FRMPD2: variants seen among roughly 807,000 people sequenced by gnomAD.
The protein encoded by FRMPD2 is FERM and PDZ domain-containing protein 2.
In FRMPD2, 96 loss-of-function variants were observed where a neutral mutation model predicts 140.1. The observed-to-expected ratio is 0.69, with a 90% CI of 0.58 to 0.81. FRMPD2 has a LOEUF of 0.81. FRMPD2 is among the 40% of genes least tolerant of loss of function. The probability of loss-of-function intolerance (pLI) is 0.00; values close to 1 mark genes in which losing one functional copy is unlikely to be tolerated. For synonymous variants in FRMPD2, 449 were observed against 547.6 expected, an observed-to-expected ratio of 0.82 and a Z score of 2.52; for missense variants, 1,240 against 1,447.4, an observed-to-expected ratio of 0.86 and a Z score of 2.32.
In FRMPD2 at chr10:48,239,610, A is replaced by T. The variant is rs1840053807; in HGVS notation, c.783T>A (p.Val261=). ...TLTHSHCSLL[V]NRALPGADPQ... ...CTTTAGGCCTTGCTGCTTACCGGTT[A>T]ACAAGGAGGCTGCAGTGACTGTGTG... Residue 261 remains valine, a synonymous_variant, in exon 7 of 29, where the codon GTT becomes GTA. Coordinates refer to ENST00000374201, the MANE Select transcript of FRMPD2 (RefSeq NM_001018071.4). 2 of 1,613,620 alleles carry T rather than the reference A, an allele frequency of 1.2e-6. No homozygotes were observed. Among genetic ancestry groups the T allele is most frequent in the Non-Finnish European group, 1.7e-6 (2 of 1,179,536 alleles).
At position 48,197,137 on chromosome 10, in the gene FRMPD2, T is replaced by C. The variant is rs188540712; in HGVS notation, c.1954+4091A>G. Among the ~76,000 whole-genome samples, 352 of 152,338 alleles carry C rather than the reference T, an allele frequency of 2.3e-3. 1 individual carries two copies. The highest frequency in any genetic ancestry group is 8.2e-3 in the African/African-American group (341 of 41,574). On this transcript the variant is annotated intron_variant, in intron 15 of 28. Transcript: ENST00000374201. ...CAAATAATAAAATAAGCTACCATTA[T>C]TTTCTGCATTTGGTTCTGCATCTGA... is the stretch of plus-strand genomic sequence containing the variant.
intron 15 of FRMPD2, among the ~76,000 whole-genome samples, chr10:48,195,129 G>A (rs1838921755): frequency 6.6e-6 from 1 of 152,192 alleles, no homozygotes; most frequent in African/African-American, 2.4e-5. Flanking sequence ...AGACACCCAG[G>A]ACAAGATTCT....
At chr10:48,251,428 C>T in intron 2 of FRMPD2, 138 bp downstream of exon 2, 2 of 1,048,094 alleles carry the variant, frequency 1.9e-6, no homozygotes, top group East Asian at 2.5e-5. Flanking sequence ...TCAGAGTAAT[C>T]ACAGATCAAG....
intron 10 of FRMPD2, among the ~76,000 whole-genome samples, chr10:48,227,570 T>A (rs992783656): frequency 2.6e-5 from 4 of 152,224 alleles, no homozygotes; most frequent in Non-Finnish European, 5.9e-5. Flanking sequence ...TACTGCATTT[T>A]TCACGCTCTT....
In FRMPD2 at chr10:48,245,133, T is replaced by C. The variant is rs149837147; in HGVS notation, c.310-284A>G. Among the ~76,000 whole-genome samples the C allele has an allele frequency of 6.6e-4, 100 of 152,348 alleles. 1 individual carries two copies. In the East Asian group the frequency reaches 0.017, roughly 26 times the overall value. ...TTTGCTTTACTGACAAAAGGACACA[T>C]GTGACTGGCCCCACACTTTCCCCTT... On this transcript the variant is annotated intron_variant, in intron 3 of 28. Coordinates refer to ENST00000374201, the MANE Select transcript of FRMPD2 (RefSeq NM_001018071.4).
intron 17 of FRMPD2, 144 bp downstream of exon 17, chr10:48,187,048 T>C (rs1010660366): frequency 1.2e-5 from 7 of 603,076 alleles, no homozygotes; most frequent in Non-Finnish European, 2.1e-5. Context: ...CAATCACAAG[T>C]AGTTTAAAAA....
intron 14 of FRMPD2, among the ~76,000 whole-genome samples, chr10:48,205,980 AG>A (rs1395221076): frequency 1.3e-5 from 2 of 152,214 alleles, no homozygotes; most frequent in African/African-American, 2.4e-5. Context: ...AAAATTAAAT[AG>A]GAAAAAAACA....
At chr10:48,202,050 A>C (rs972233255) in intron 14 of FRMPD2, among the ~76,000 whole-genome samples, 1 of 152,160 alleles carries the variant, frequency 6.6e-6, no homozygotes, top group Non-Finnish European at 1.5e-5. Context: ...ATATTTGTCC[A>C]GCTCACTGGG....
intron 10 of FRMPD2, among the ~76,000 whole-genome samples, chr10:48,230,853 T>C (rs553034048): frequency 3.9e-5 from 6 of 152,138 alleles, no homozygotes; most frequent in Admixed American, 6.5e-5. Flanking sequence ...CAATGTAAAA[T>C]TCTAGGAACA....
At chr10:48,182,789 T>A (rs1389672636) in intron 20 of FRMPD2, among the ~76,000 whole-genome samples, 1 of 152,240 alleles carries the variant, frequency 6.6e-6, no homozygotes, top group Non-Finnish European at 1.5e-5. Context: ...CAGGCCATCC[T>A]TGGACTATGC....
chr10:48,209,892 A>G (rs1164189870), intron 13 of FRMPD2, among the ~76,000 whole-genome samples: 1 of 152,238 alleles, frequency 6.6e-6, no homozygotes, highest in Admixed American at 6.5e-5. Flanking sequence ...ATTGAGAGAA[A>G]AAATTAGAGT....
At chr10:48,259,115 G>T (rs574685002) in intron 1 of FRMPD2, among the ~76,000 whole-genome samples, 1 of 152,276 alleles carries the variant, frequency 6.6e-6, no homozygotes, top group East Asian at 1.9e-4. Context: ...CCTTCTCTAA[G>T]GCTTCAGGGC....
At chr10:48,236,761 T>G (rs1839976214) in intron 8 of FRMPD2, among the ~76,000 whole-genome samples, 1 of 152,218 alleles carries the variant, frequency 6.6e-6, no homozygotes, top group African/African-American at 2.4e-5. Flanking sequence ...GTATAGGGTA[T>G]CAGCAACATT....
intron 15 of FRMPD2, 110 bp downstream of exon 15, chr10:48,201,118 A>T: frequency 2.8e-6 from 2 of 720,192 alleles, no homozygotes; most frequent in Non-Finnish European, 4.1e-6. Flanking sequence ...TATTAGAGAG[A>T]TTTACAACTC....
chr10:48,182,045 T>C (rs986745151), intron 20 of FRMPD2, among the ~76,000 whole-genome samples: 1 of 151,970 alleles, frequency 6.6e-6, no homozygotes, highest in Non-Finnish European at 1.5e-5. Context: ...TGGATACAAG[T>C]AGATTTACTA....
At chr10:48,198,343 C>T (rs1405617394) in intron 15 of FRMPD2, among the ~76,000 whole-genome samples, 1 of 152,150 alleles carries the variant, frequency 6.6e-6, no homozygotes, top group Non-Finnish European at 1.5e-5. Flanking sequence ...TATAACTATG[C>T]TATTCAATAC....
At chr10:48,266,325 T>C (rs1260276480) in intron 1 of FRMPD2, among the ~76,000 whole-genome samples, 2 of 152,140 alleles carry the variant, frequency 1.3e-5, no homozygotes, top group Non-Finnish European at 2.9e-5. Context: ...TGACACGAGA[T>C]TTCCCATATA....
intron 4 of FRMPD2, among the ~76,000 whole-genome samples, chr10:48,243,417 G>A (rs1356956461): frequency 6.6e-6 from 1 of 152,190 alleles, no homozygotes; most frequent in Non-Finnish European, 1.5e-5. Context: ...GAAGGGAAGG[G>A]GATTATGAGC....
At chr10:48,224,453 G>A (rs1839678167) in intron 10 of FRMPD2, among the ~76,000 whole-genome samples, 1 of 152,182 alleles carries the variant, frequency 6.6e-6, no homozygotes, top group Non-Finnish European at 1.5e-5. Flanking sequence ...TGCATGCTGG[G>A]GTGGGGAGGG....
Sources: gnomAD v4.1 joint callset for allele counts (sites outside exome capture counted in the v4.1 genomes callset) on GRCh38, gnomAD v4.1.1 for gene constraint, MANE v1.5 for transcripts, NCBI Gene and HGNC (gene_info 2026-07-23, HGNC 2026-07-21) for gene names.